Variants in CD72 observed in about 807,000 individuals in gnomAD.
The protein encoded by CD72 is CD72 molecule, also known as B-cell differentiation antigen CD72.
A neutral mutation model predicts 50.7 loss-of-function variants in CD72; 28 were observed. The ratio of observed to expected loss-of-function variants is 0.55; its 90% CI spans 0.41 to 0.76. The LOEUF (loss-of-function observed/expected upper bound fraction) is 0.76. Ranked by LOEUF, CD72 falls within the 30% of genes least tolerant of loss-of-function variation. The probability of loss-of-function intolerance (pLI) is 0.00; values close to 1 mark genes in which losing one functional copy is unlikely to be tolerated. For synonymous variants in CD72, 176 were observed against 171.2 expected (o/e 1.03, Z -0.22); for missense variants, 403 against 420.6 (o/e 0.96, Z 0.37).
chr9:35,614,615 A>T (rs1350179863), intron 5 of CD72, among the ~76,000 whole-genome samples: 1 of 152,160 alleles, frequency 6.6e-6, no homozygotes, highest in East Asian at 1.9e-4. Context: ...ATGATTCCAC[A>T]ATTTGTCACA....
At chr9:35,618,877 G>T, upstream of CD72, 2 of 693,814 alleles carry the variant, frequency 2.9e-6, no homozygotes, top group Non-Finnish European at 4.3e-6. Context: ...TGGGCCAGAG[G>T]TGAAGGTAAG....
rs879470485 is a variant in CD72 at position 35,616,130 on chromosome 9, ACT to A, written c.499_500del (p.Gln168GlyfsTer34). On this transcript the variant is annotated frameshift_variant, in exon 5 of 9. Transcript: ENST00000259633. LOFTEE classifies it high-confidence loss of function. ...TCTGTTCCACCTGTAGTGCTTCCTG[ACT>A]CTGCGCCAGCTCTCTCCTGGACCCC... ...LQGSRRELAQ[S>X]QEALQVEQRA... The A allele has an allele frequency of 1.9e-6, 3 of 1,613,372 alleles. No individual in the cohort carries two copies. Among genetic ancestry groups the A allele is most frequent in the Admixed American group, 1.7e-5 (1 of 59,958 alleles).
rs892091160 is a variant in CD72, at chr9:35,644,649, A to G, written n.408+1754T>C. ...CAGATCTGTCAGCCTCCTTTTGGCTATATGATTCTAGAAATTTATAAGCTA... is the reference window on the plus strand; with the variant it reads ...CAGATCTGTCAGCCTCCTTTTGGCTGTATGATTCTAGAAATTTATAAGCTA... On this transcript the variant is annotated intron_variant and non_coding_transcript_variant, in intron 1 of 3. Transcript: ENST00000465754. Among the ~76,000 whole-genome samples the G allele has an allele frequency of 1.3e-4, 20 of 152,320 alleles. No individual in the cohort carries two copies. In the South Asian group the frequency reaches 3.1e-3, roughly 24 times the overall value.
chr9:35,639,674 A>G (rs1035975814), intron 1 of CD72, among the ~76,000 whole-genome samples: 2 of 152,214 alleles, frequency 1.3e-5, no homozygotes, highest in South Asian at 2.1e-4. Flanking sequence ...TCTCAGATAC[A>G]CTTAGTTTGA....
At chr9:35,617,004 C>T (rs1294214218) in intron 3 of CD72, 172 bp downstream of exon 3, 7 of 1,449,500 alleles carry the variant, frequency 4.8e-6, no homozygotes, top group Non-Finnish European at 6.3e-6. Flanking sequence ...CGGTGCACGT[C>T]GGATTCAGGC....
chr9:35,610,794 T>C, intron 7 of CD72, 41 bp from the exon 8 acceptor site: 1 of 1,551,460 alleles, frequency 6.4e-7, no homozygotes, highest in Non-Finnish European at 8.8e-7. Flanking sequence ...GCTCTGGACA[T>C]ATCCCACCCT....
upstream of CD72, chr9:35,618,619 C>A (rs1366667365): frequency 6.7e-6 from 4 of 595,622 alleles, no homozygotes; most frequent in Non-Finnish European, 1.1e-5. Context: ...GCATCTTAAA[C>A]CCATATGGGC....
chr9:35,617,293 G>C (rs1823081131), intron 2 of CD72, 46 bp from the exon 3 acceptor site: 14 of 1,508,684 alleles, frequency 9.3e-6, no homozygotes, highest in Non-Finnish European at 1.2e-5. Flanking sequence ...CCCGAGTGTT[G>C]CCCCTTCTCC....
At chr9:35,639,190 A>AT (rs997199300) in intron 1 of CD72, among the ~76,000 whole-genome samples, 5 of 152,018 alleles carry the variant, frequency 3.3e-5, no homozygotes, top group South Asian at 2.1e-4. Flanking sequence ...AACTAAGTAA[A>AT]TTTTTTTTCC....
At chr9:35,638,836 G>A (rs1403498368) in intron 1 of CD72, among the ~76,000 whole-genome samples, 1 of 151,948 alleles carries the variant, frequency 6.6e-6, no homozygotes, top group African/African-American at 2.4e-5. Context: ...ATAGCTAGGC[G>A]AGATTACATG....
At chr9:35,616,795 G>A in intron 3 of CD72, 106 bp from the exon 4 acceptor site, 1 of 1,083,382 alleles carries the variant, frequency 9.2e-7, no homozygotes, top group Non-Finnish European at 1.4e-6. Flanking sequence ...ATCCCTAAGA[G>A]GAGGGCGGTG....
At chr9:35,645,123 C>T (rs1832537) in intron 1 of CD72, among the ~76,000 whole-genome samples, 99,780 of 149,678 alleles carry the variant, frequency 0.67, 35,397 homozygotes, top group Non-Finnish European at 0.79. Flanking sequence ...CGCTTGAACC[C>T]AGGAGGCGGA....
chr9:35,641,796 C>G (rs1158943965), intron 1 of CD72, among the ~76,000 whole-genome samples: 2 of 151,998 alleles, frequency 1.3e-5, no homozygotes, highest in Admixed American at 6.6e-5. Flanking sequence ...TGTGGTGACC[C>G]CGGCAGTGTA....
At chr9:35,640,638 G>A (rs1823330834) in intron 1 of CD72, among the ~76,000 whole-genome samples, 1 of 152,262 alleles carries the variant, frequency 6.6e-6, no homozygotes, top group Non-Finnish European at 1.5e-5. Flanking sequence ...GATCTGGAGG[G>A]ATGGGAGTCA....
At chr9:35,626,079 G>A (rs966255174) in intron 1 of CD72, among the ~76,000 whole-genome samples, 13 of 151,396 alleles carry the variant, frequency 8.6e-5, no homozygotes, top group Admixed American at 6.6e-5. Context: ...CTGCCATAGG[G>A]ATTCCTCTCA....
At chr9:35,620,587 T>C (rs1252545983), upstream of CD72, among the ~76,000 whole-genome samples, 3 of 152,074 alleles carry the variant, frequency 2.0e-5, no homozygotes, top group Admixed American at 6.6e-5. Flanking sequence ...TCCCAGCACT[T>C]TGGGAGGCTG....
chr9:35,611,238 G>A (rs1424108006), intron 7 of CD72, among the ~76,000 whole-genome samples: 2 of 150,816 alleles, frequency 1.3e-5, no homozygotes, highest in South Asian at 2.1e-4. Context: ...GCGACAGAGC[G>A]AGACTCCATC....
Position 35,634,005 on chromosome 9 carries a change from A to T in CD72, n.408+12398T>A, listed in dbSNP as rs557108428. 2.2e-4 allele frequency among the ~76,000 whole-genome samples: 33 copies of T among 152,290 alleles called. 2 individuals are homozygous for T. The South Asian group carries it at 6.6e-3, about 31-fold the overall frequency. On this transcript the variant is annotated intron_variant and non_coding_transcript_variant, in intron 1 of 3. Transcript: ENST00000465754. ...TTTCTCTTAAGTAATGTGTGCCTAA[A>T]TTTGATTTATAACAAAATCTGACAG...
intron 7 of CD72, 30 bp downstream of exon 7, chr9:35,611,774 G>GA: frequency 8.3e-7 from 1 of 1,210,698 alleles, no homozygotes; most frequent in South Asian, 1.2e-5. Flanking sequence ...TTATGGAGTT[G>GA]AAAATACCCA....
Sources: gnomAD v4.1 joint callset for allele counts (sites outside exome capture counted in the v4.1 genomes callset) on GRCh38, gnomAD v4.1.1 for gene constraint, MANE v1.5 for transcripts, NCBI Gene and HGNC (gene_info 2026-07-23, HGNC 2026-07-21) for gene names.